GON7: variants seen among roughly 807,000 people sequenced by gnomAD.
GON7 encodes EKC/KEOPS complex subunit GON7.
A neutral mutation model predicts 7.6 loss-of-function variants in GON7; 2 were observed. The observed-to-expected ratio is 0.26, with a 90% CI of 0.11 to 0.83. GON7 has a LOEUF of 0.83. Ranked by LOEUF, GON7 falls within the 40% of genes least tolerant of loss-of-function variation. GON7 has a pLI of 0.65. For missense variants in GON7, 121 were observed against 132.2 expected, an observed-to-expected ratio of 0.92 and a Z score of 0.42; for synonymous variants, 54 against 56.6, an observed-to-expected ratio of 0.95 and a Z score of 0.20.
chr14:93,204,058 C>T (rs764745174), intron 1 of GON7, among the ~76,000 whole-genome samples: 2 of 152,148 alleles, frequency 1.3e-5, no homozygotes, highest in Middle Eastern at 3.4e-3. Context: ...TGCAGTGGCA[C>T]GATCTCAGCT....
Position 93,203,616 on chromosome 14 carries a change from A to C in GON7, c.*72T>G. ...AATGCTTTTTCCAAATTAGAGCATA[A>C]GTCTTCCTTAAATGTCCTAGTGTGA... is the stretch of plus-strand genomic sequence containing the variant. On this transcript the variant is annotated 3_prime_UTR_variant, in exon 2 of 2. Transcript: ENST00000306954. 2.3e-6 allele frequency: 3 copies of C among 1,293,550 alleles called. No homozygotes were observed. Among genetic ancestry groups the C allele is most frequent in the Non-Finnish European group, 3.3e-6 (3 of 904,074 alleles). 80.1% of individuals were successfully genotyped at this position (1,293,550 alleles called of 1,614,324 possible).
chr14:93,205,673 A>C (rs1894326147), intron 1 of GON7, among the ~76,000 whole-genome samples: 1 of 152,160 alleles, frequency 6.6e-6, no homozygotes, highest in South Asian at 2.1e-4. Flanking sequence ...TCTCAAAAAA[A>C]AAAAAAAGTA....
In GON7 at chr14:93,205,560, C is replaced by T. The variant is rs529925639; in HGVS notation, c.208+1270G>A. ...CGGGTGCCTGTAATCCCAGTTACTC[C>T]GGAGGCTGAGACAGGAGAATCGCTT... On this transcript the variant is annotated intron_variant, in intron 1 of 1. Transcript: ENST00000306954. Among the ~76,000 whole-genome samples, 186 of 151,624 alleles carry T rather than the reference C, an allele frequency of 1.2e-3. No homozygotes were observed. In the Middle Eastern group the frequency reaches 0.017, roughly 14 times the overall value.
intron 1 of GON7, 108 bp from the exon 2 acceptor site, chr14:93,203,890 A>T: frequency 1.5e-6 from 1 of 659,792 alleles, no homozygotes; most frequent in Non-Finnish European, 2.5e-6. Context: ...GATTAATAAA[A>T]CCTGCACATT....
At chr14:93,205,332 C>A (rs1010100201) in intron 1 of GON7, among the ~76,000 whole-genome samples, 11 of 152,206 alleles carry the variant, frequency 7.2e-5, no homozygotes, top group African/African-American at 2.7e-4. Context: ...TAAATCCTGA[C>A]TCTAATATCT....
In GON7 at chr14:93,206,979, G is replaced by T. The variant is rs1162150156; in HGVS notation, c.59C>A (p.Ser20Tyr). Residue 20 changes from serine (S) to tyrosine (Y), a missense_variant, in exon 1 of 2, where the codon TCC (serine) becomes TAC (tyrosine). By Grantham distance (144) the Ser-to-Tyr change is moderately radical (BLOSUM62 -2). Coordinates refer to ENST00000306954, the MANE Select transcript of GON7 (RefSeq NM_032490.5). ...QEGKPQKLRVSCEAPGDGDPF... is the reference protein window; with the variant it reads ...QEGKPQKLRVYCEAPGDGDPF... ...GTCGCCGTCACCCGGCGCCTCACAG[G>T]ACACCCGCAGCTTCTGCGGCTTCCC... is the stretch of plus-strand genomic sequence containing the variant. The T allele has an allele frequency of 6.2e-7, 1 of 1,614,186 alleles. No homozygotes were observed. The highest frequency in any genetic ancestry group is 1.7e-5 in the Admixed American group (1 of 60,036).
intron 1 of GON7, among the ~76,000 whole-genome samples, chr14:93,204,466 C>T (rs867259748): frequency 3.3e-5 from 5 of 152,136 alleles, no homozygotes; most frequent in Non-Finnish European, 2.9e-5. Flanking sequence ...TTTTTTCCCC[C>T]TTATTAGAGA....
chr14:93,205,016 T>C (rs1894312980), intron 1 of GON7, among the ~76,000 whole-genome samples: 1 of 151,664 alleles, frequency 6.6e-6, no homozygotes, highest in Admixed American at 6.6e-5. Flanking sequence ...TAAATGCTGC[T>C]GTTATCAACA....
chr14:93,205,192 G>T (rs918745940), intron 1 of GON7, among the ~76,000 whole-genome samples: 29 of 152,178 alleles, frequency 1.9e-4, no homozygotes, highest in African/African-American at 5.5e-4. Context: ...AATGTACAAG[G>T]TCTCCAATTT....
rs1894290178 is a variant in GON7, at chr14:93,203,650, A to C, written c.*38T>G. 1 of 1,538,988 alleles carries C rather than the reference A, an allele frequency of 6.5e-7. No homozygotes were observed. Among genetic ancestry groups the C allele is most frequent in the African/African-American group, 1.4e-5 (1 of 73,566 alleles). On this transcript the variant is annotated 3_prime_UTR_variant, in exon 2 of 2. Coordinates refer to ENST00000306954, the MANE Select transcript of GON7 (RefSeq NM_032490.5). ...TAAATGTCCTAGTGTGACAATAAGG[A>C]TACAACAGCCATCTTTTAAATGTCA... is the stretch of plus-strand genomic sequence containing the variant.
chr14:93,203,817 T>C, intron 1 of GON7, 35 bp from the exon 2 acceptor site: 1 of 1,537,146 alleles, frequency 6.5e-7, no homozygotes, highest in Non-Finnish European at 9.0e-7. Flanking sequence ...TGACAATACG[T>C]TCTATGGCTG....
chr14:93,206,695 A>G, intron 1 of GON7, 135 bp downstream of exon 1: 1 of 1,026,192 alleles, frequency 9.7e-7, no homozygotes, highest in Non-Finnish European at 1.4e-6. Flanking sequence ...GCCCGCCAAA[A>G]ATTTTTAGAT....
chr14:93,205,478 G>A (rs184405657), intron 1 of GON7, among the ~76,000 whole-genome samples: 1 of 152,228 alleles, frequency 6.6e-6, no homozygotes, highest in Non-Finnish European at 1.5e-5. Flanking sequence ...GACCAGCCTG[G>A]CCAACACAGT....
At chr14:93,205,055 C>T (rs1357803213) in intron 1 of GON7, among the ~76,000 whole-genome samples, 4 of 152,202 alleles carry the variant, frequency 2.6e-5, no homozygotes, top group Non-Finnish European at 4.4e-5. Flanking sequence ...TGTGAACATA[C>T]GTTTCCAGTT....
intron 1 of GON7, among the ~76,000 whole-genome samples, chr14:93,204,426 C>T (rs1466468977): frequency 1.3e-5 from 2 of 152,122 alleles, no homozygotes; most frequent in Non-Finnish European, 1.5e-5. Flanking sequence ...CTTTCCATTC[C>T]CCTCAGCCTT....
In GON7 at chr14:93,207,016, C is replaced by A. The variant is rs1388334919; in HGVS notation, c.22G>T (p.Val8Phe). The A allele has an allele frequency of 3.7e-6, 6 of 1,613,498 alleles. No individual in the cohort carries two copies. Among genetic ancestry groups the A allele is most frequent in the Non-Finnish European group, 4.2e-6 (5 of 1,179,984 alleles). Residue 8 changes from valine (V) to phenylalanine (F), a missense_variant, in exon 1 of 2, where the codon GTC (valine) becomes TTC (phenylalanine). Val to Phe is a conservative substitution (Grantham distance 50). Coordinates refer to ENST00000306954, the MANE Select transcript of GON7 (RefSeq NM_032490.5). ...TTCTGCGGCTTCCCTTCCTGCCCGA[C>A]GTACTCTCCCAGCAGCTCCATGGTG... MELLGEY[V>F]GQEGKPQKLR...
chr14:93,203,680 G>C lies in GON7; in HGVS notation c.*8C>G. Reference sequence around the variant, plus strand: ...ACAGCCATCTTTTAAATGTCATGAAGGCTATTGTTAAGACGGTGTTTTTGG... The same window carrying C: ...ACAGCCATCTTTTAAATGTCATGAACGCTATTGTTAAGACGGTGTTTTTGG... On this transcript the variant is annotated 3_prime_UTR_variant, in exon 2 of 2. Transcript: ENST00000306954. The C allele has an allele frequency of 6.2e-7, 1 of 1,610,640 alleles. No individual in the cohort carries two copies. The highest frequency in any genetic ancestry group is 1.3e-5 in the African/African-American group (1 of 74,948).
At position 93,203,424 on chromosome 14, in the gene GON7, T is replaced by A; in HGVS notation, c.*264A>T. ...ATAGAAAACAATGATAAAAATTCAGTTGCCAACTTAGAGGATTTTATACAT... is the reference window on the plus strand; with the variant it reads ...ATAGAAAACAATGATAAAAATTCAGATGCCAACTTAGAGGATTTTATACAT... On this transcript the variant is annotated 3_prime_UTR_variant, in exon 2 of 2. Transcript: ENST00000306954. 2.6e-6 allele frequency: 1 copy of A among 384,724 alleles called. No homozygotes were observed. Among genetic ancestry groups the A allele is most frequent in the Non-Finnish European group, 4.6e-6 (1 of 215,536 alleles). 23.8% of individuals were successfully genotyped at this position (384,724 alleles called of 1,614,324 possible).
At chr14:93,206,434 G>A (rs1163105565) in intron 1 of GON7, among the ~76,000 whole-genome samples, 1 of 152,138 alleles carries the variant, frequency 6.6e-6, no homozygotes, top group Non-Finnish European at 1.5e-5. Context: ...ATAATAGTAG[G>A]CATTCGACAC....
Sources: gnomAD v4.1 joint callset for allele counts (sites outside exome capture counted in the v4.1 genomes callset) on GRCh38, gnomAD v4.1.1 for gene constraint, MANE v1.5 for transcripts, NCBI Gene and HGNC (gene_info 2026-07-23, HGNC 2026-07-21) for gene names.